RNF144A: variants seen among roughly 807,000 people sequenced by gnomAD.
RNF144A encodes E3 ubiquitin-protein ligase RNF144A.
A neutral mutation model predicts 38.7 loss-of-function variants in RNF144A; 11 were observed. The ratio of observed to expected loss-of-function variants is 0.28; its 90% CI spans 0.18 to 0.47. The LOEUF is 0.47. Among genes scored for constraint, RNF144A ranks in the 20% least tolerant of loss-of-function variants. The pLI is 0.99. For missense variants in RNF144A, 316 were observed against 377.2 expected (o/e 0.84, Z 1.34); for synonymous variants, 149 against 143.9 (o/e 1.04, Z -0.25).
At chr2:6,982,526 G>T (rs1668699708) in intron 2 of RNF144A, among the ~76,000 whole-genome samples, 1 of 152,306 alleles carries the variant, frequency 6.6e-6, no homozygotes, top group East Asian at 1.9e-4. Context: ...AATAGATTTT[G>T]TAAACAGTTG....
chr2:6,936,297 A>T (rs996144218), intron 1 of RNF144A, among the ~76,000 whole-genome samples: 14 of 152,222 alleles, frequency 9.2e-5, no homozygotes, highest in Admixed American at 9.2e-4. Flanking sequence ...CTGATGGCAT[A>T]TATATACACA....
chr2:6,965,411 C>T (rs1381810852), intron 2 of RNF144A, among the ~76,000 whole-genome samples: 1 of 152,174 alleles, frequency 6.6e-6, no homozygotes, highest in East Asian at 1.9e-4. Context: ...CAGACCCCTC[C>T]CGTGTACGGA....
intron 8 of RNF144A, among the ~76,000 whole-genome samples, chr2:7,033,775 C>T (rs1001835989): frequency 5.3e-5 from 8 of 152,232 alleles, no homozygotes; most frequent in Non-Finnish European, 7.3e-5. Context: ...GAAAAGTGCT[C>T]TTGGGAGCAG....
intron 2 of RNF144A, among the ~76,000 whole-genome samples, chr2:6,993,748 C>A (rs946390169): frequency 1.3e-5 from 2 of 152,156 alleles, no homozygotes; most frequent in African/African-American, 2.4e-5. Context: ...TTGGATTGAA[C>A]TTCCGAAATG....
intron 2 of RNF144A, among the ~76,000 whole-genome samples, chr2:6,954,528 A>G (rs1202679582): frequency 6.6e-6 from 1 of 152,204 alleles, no homozygotes; most frequent in African/African-American, 2.4e-5. Context: ...GATAGAATCT[A>G]ATTCATCATA....
In RNF144A at chr2:7,042,190, T is replaced by C. The variant is rs759572080; in HGVS notation, c.*2430T>C. ...CATAAACTCGCATTTCCTTCTGTTT[T>C]AGTAAGGAGTGCCAGACTTATCTTT... On this transcript the variant is annotated 3_prime_UTR_variant, in exon 9 of 9. Transcript: ENST00000320892. 7.1e-6 allele frequency: 7 copies of C among 985,376 alleles called. No individual in the cohort carries two copies. The highest frequency in any genetic ancestry group is 8.4e-6 in the Non-Finnish European group (7 of 829,852). The allele number at this position is 985,376 out of a possible 1,614,324, so 61.0% of individuals were successfully genotyped here.
chr2:6,959,618 ATGAGGGGCAC>A, intron 2 of RNF144A, among the ~76,000 whole-genome samples: 1 of 152,150 alleles, frequency 6.6e-6, no homozygotes, highest in Non-Finnish European at 1.5e-5. Flanking sequence ...GCATCACAGG[ATGAGGGGCAC>A]ACGAAAGAAA....
At chr2:7,026,305 G>A (rs1030205856) in intron 7 of RNF144A, among the ~76,000 whole-genome samples, 6 of 152,066 alleles carry the variant, frequency 3.9e-5, no homozygotes, top group African/African-American at 1.4e-4. Flanking sequence ...ACAACATCTG[G>A]GTAAAATGTC....
At chr2:7,036,800 C>T (rs1672709605) in intron 8 of RNF144A, among the ~76,000 whole-genome samples, 1 of 152,120 alleles carries the variant, frequency 6.6e-6, no homozygotes, top group Non-Finnish European at 1.5e-5. Context: ...TTTCCAAGCC[C>T]TTGAATGTGG....
intron 2 of RNF144A, among the ~76,000 whole-genome samples, chr2:6,988,685 CG>C (rs1384929836): frequency 5.9e-5 from 9 of 152,122 alleles, no homozygotes; most frequent in African/African-American, 2.2e-4. Context: ...GTCCTTTTCA[CG>C]TGTGTGAGCT....
chr2:7,015,917 C>T (rs1042762088), intron 5 of RNF144A, among the ~76,000 whole-genome samples: 3 of 151,820 alleles, frequency 2.0e-5, no homozygotes, highest in Admixed American at 6.6e-5. Flanking sequence ...GGGGAGTGGA[C>T]GGCAGAGGAG....
chr2:6,921,371 T>A (rs1664527482), intron 1 of RNF144A, among the ~76,000 whole-genome samples: 1 of 152,166 alleles, frequency 6.6e-6, no homozygotes, highest in South Asian at 2.1e-4. Context: ...TCATCTCAGG[T>A]GTGTTTGGCA....
intron 2 of RNF144A, among the ~76,000 whole-genome samples, chr2:6,979,080 C>T (rs1371207793): frequency 6.6e-6 from 1 of 152,106 alleles, no homozygotes; most frequent in East Asian, 1.9e-4. Context: ...TTCCTGAGTG[C>T]CTATTGGAGT....
At chr2:7,025,464 A>T (rs1293160353) in intron 7 of RNF144A, among the ~76,000 whole-genome samples, 1 of 152,238 alleles carries the variant, frequency 6.6e-6, no homozygotes, top group African/African-American at 2.4e-5. Flanking sequence ...ACCTGCGGTC[A>T]GGAGTTCAAG....
intron 5 of RNF144A, among the ~76,000 whole-genome samples, chr2:7,015,311 C>T (rs1426289329): frequency 6.6e-6 from 1 of 152,170 alleles, no homozygotes; most frequent in Non-Finnish European, 1.5e-5. Flanking sequence ...GTCACAACAA[C>T]TCTGCAAAGC....
intron 1 of RNF144A, among the ~76,000 whole-genome samples, chr2:6,927,918 A>C (rs950269075): frequency 2.0e-5 from 3 of 152,210 alleles, no homozygotes; most frequent in African/African-American, 4.8e-5. Flanking sequence ...GTTTCTTTCC[A>C]GGTTACCAGC....
At chr2:6,969,531 A>G (rs891982702) in intron 2 of RNF144A, among the ~76,000 whole-genome samples, 1 of 152,188 alleles carries the variant, frequency 6.6e-6, no homozygotes, top group African/African-American at 2.4e-5. Context: ...CATTTCTGTT[A>G]TTGGAGCCAC....
chr2:6,979,152 A>T (rs1361542897), intron 2 of RNF144A, among the ~76,000 whole-genome samples: 2 of 152,068 alleles, frequency 1.3e-5, no homozygotes, highest in African/African-American at 4.8e-5. Context: ...GATCTGAGGG[A>T]TGTTGGACAG....
At chr2:6,990,385 TACACACACACACAC>T (rs60196595) in intron 2 of RNF144A, among the ~76,000 whole-genome samples, 4,818 of 123,796 alleles carry the variant, frequency 0.039, 204 homozygotes, top group African/African-American at 0.099. Context: ...TATATATATT[TACACACACACACAC>T]ACACACACAC....
Sources: gnomAD v4.1 joint callset for allele counts (sites outside exome capture counted in the v4.1 genomes callset) on GRCh38, gnomAD v4.1.1 for gene constraint, MANE v1.5 for transcripts, NCBI Gene and HGNC (gene_info 2026-07-23, HGNC 2026-07-21) for gene names.